Variants in HMCN1 observed in about 807,000 individuals in gnomAD.
HMCN1 encodes hemicentin 1.
HMCN1 carries 321 observed loss-of-function variants against 625.9 expected under a neutral mutation model. The observed-to-expected ratio is 0.51, with a 90% CI of 0.47 to 0.56. The LOEUF (loss-of-function observed/expected upper bound fraction) is 0.56, where lower values mean the gene tolerates loss of function less well. Among genes scored for constraint, HMCN1 ranks in the 20% least tolerant of loss-of-function variants. The pLI, the probability that HMCN1 is intolerant of heterozygous loss-of-function variation, is 0.00. For synonymous variants in HMCN1, 2,425 were observed against 2,417.6 expected (o/e 1.00, Z -0.09); for missense variants, 6,588 against 6,887.3 (o/e 0.96, Z 1.54).
intron 60 of HMCN1, 77 bp downstream of exon 60, chr1:186,087,722 C>A (rs1193996789): frequency 3.0e-6 from 4 of 1,354,052 alleles, no homozygotes; most frequent in Non-Finnish European, 4.2e-6. Flanking sequence ...GTTGCATATT[C>A]CCTTTTACTA....
chr1:186,164,056 A>T (rs982617514), intron 97 of HMCN1, among the ~76,000 whole-genome samples: 14 of 152,196 alleles, frequency 9.2e-5, no homozygotes, highest in African/African-American at 3.4e-4. Context: ...TGGAAACTAA[A>T]TAGTGACACA....
At chr1:185,892,432 C>G (rs1665167521) in intron 4 of HMCN1, among the ~76,000 whole-genome samples, 1 of 151,784 alleles carries the variant, frequency 6.6e-6, no homozygotes, top group South Asian at 2.1e-4. Flanking sequence ...TTTTCCCCAT[C>G]TTTGTGGTTT....
intron 1 of HMCN1, among the ~76,000 whole-genome samples, chr1:185,840,209 C>T (rs565372704): frequency 9.9e-5 from 15 of 152,244 alleles, no homozygotes; most frequent in African/African-American, 3.6e-4. Context: ...TGTAGATAAA[C>T]TGAAAACAGT....
At chr1:185,782,251 A>G (rs1228762341) in intron 1 of HMCN1, among the ~76,000 whole-genome samples, 3 of 152,088 alleles carry the variant, frequency 2.0e-5, no homozygotes, top group African/African-American at 7.2e-5. Flanking sequence ...TCTGCACGTG[A>G]GATGGGTCTC....
At position 185,735,053 on chromosome 1, in the gene HMCN1, G is replaced by A. The variant is rs1167693803; in HGVS notation, c.268+6G>A. 6.2e-7 allele frequency: 1 copy of A among 1,613,338 alleles called. No homozygotes were observed. Among genetic ancestry groups the A allele is most frequent in the East Asian group, 2.2e-5 (1 of 44,894 alleles). On this transcript the variant is annotated splice_donor_region_variant and intron_variant, in intron 1 of 106. Transcript: ENST00000271588. ...GGTGCCTTTCCATGATCCAGGTAAG[G>A]GAAATATTTATACTTTGTCTTTGCT...
intron 1 of HMCN1, among the ~76,000 whole-genome samples, chr1:185,780,374 C>G (rs1476507155): frequency 1.3e-5 from 2 of 152,184 alleles, no homozygotes; most frequent in Admixed American, 6.5e-5. Flanking sequence ...GCCAGAACTT[C>G]CAACACTATG....
intron 1 of HMCN1, among the ~76,000 whole-genome samples, chr1:185,830,979 A>T (rs899634406): frequency 1.4e-4 from 22 of 152,202 alleles, no homozygotes; most frequent in African/African-American, 5.3e-4. Flanking sequence ...AGCCCTGATG[A>T]TTTTATAAGG....
chr1:185,965,985 T>G, intron 14 of HMCN1, 70 bp downstream of exon 14: 3 of 1,011,942 alleles, frequency 3.0e-6, no homozygotes, highest in Non-Finnish European at 1.6e-6. Flanking sequence ...AATGATTTGT[T>G]AAAACTTTGT....
chr1:185,738,921 A>G (rs934303405), intron 1 of HMCN1, among the ~76,000 whole-genome samples: 3 of 152,090 alleles, frequency 2.0e-5, no homozygotes, highest in Admixed American at 2.0e-4. Context: ...GGCTTGTTAC[A>G]TGGGTAAATT....
At chr1:185,814,801 C>G (rs1659744850) in intron 1 of HMCN1, among the ~76,000 whole-genome samples, 1 of 149,424 alleles carries the variant, frequency 6.7e-6, no homozygotes, top group Admixed American at 6.6e-5. Flanking sequence ...AAGCGATTCT[C>G]CTGCCTCAGC....
chr1:186,070,859 G>A, intron 52 of HMCN1, 102 bp downstream of exon 52: 2 of 1,231,918 alleles, frequency 1.6e-6, no homozygotes, highest in Non-Finnish European at 2.4e-6. Context: ...GAGAATCAAT[G>A]TGATCTTAAA....
intron 103 of HMCN1, among the ~76,000 whole-genome samples, chr1:186,175,685 G>C (rs970129398): frequency 7.2e-5 from 11 of 151,928 alleles, no homozygotes; most frequent in African/African-American, 2.7e-4. Context: ...TTGTGCTAGG[G>C]AGTAAAACAA....
chr1:185,798,620 G>T (rs905315630), intron 1 of HMCN1, among the ~76,000 whole-genome samples: 7 of 151,838 alleles, frequency 4.6e-5, no homozygotes, highest in African/African-American at 1.5e-4. Flanking sequence ...CAAAAGACCT[G>T]CCTTCAGACT....
At chr1:185,816,382 T>C (rs1036716313) in intron 1 of HMCN1, among the ~76,000 whole-genome samples, 10 of 152,226 alleles carry the variant, frequency 6.6e-5, no homozygotes, top group African/African-American at 2.4e-4. Flanking sequence ...AAAAGAGGCT[T>C]CCAGAATTCC....
intron 52 of HMCN1, among the ~76,000 whole-genome samples, chr1:186,074,245 A>G (rs1042990964): frequency 6.6e-5 from 10 of 151,878 alleles, no homozygotes; most frequent in Non-Finnish European, 1.3e-4. Flanking sequence ...CATAATATAA[A>G]TATCTTTAGG....
At chr1:186,015,477 C>A (rs1654307930) in intron 31 of HMCN1, 40 bp downstream of exon 31, 4 of 1,582,932 alleles carry the variant, frequency 2.5e-6, no homozygotes, top group Non-Finnish European at 2.6e-6. Context: ...ACCTTTCTAC[C>A]TATGCTTTCT....
At chr1:185,956,785 C>A (rs1325171946) in intron 11 of HMCN1, among the ~76,000 whole-genome samples, 5 of 152,170 alleles carry the variant, frequency 3.3e-5, no homozygotes, top group Admixed American at 2.0e-4. Context: ...GGTGAATTAG[C>A]CCCATCCTGA....
At chr1:186,125,100 T>C (rs1162458796) in intron 81 of HMCN1, among the ~76,000 whole-genome samples, 1 of 152,154 alleles carries the variant, frequency 6.6e-6, no homozygotes, top group Non-Finnish European at 1.5e-5. Flanking sequence ...CTTGTATTCA[T>C]TGTAACATGT....
chr1:185,947,821 C>T (rs1366693682), intron 11 of HMCN1, among the ~76,000 whole-genome samples: 2 of 152,096 alleles, frequency 1.3e-5, no homozygotes, highest in Non-Finnish European at 2.9e-5. Flanking sequence ...TTGAAAATTA[C>T]AGAAAAGTTA....
Sources: gnomAD v4.1 joint callset for allele counts (sites outside exome capture counted in the v4.1 genomes callset) on GRCh38, gnomAD v4.1.1 for gene constraint, MANE v1.5 for transcripts, NCBI Gene and HGNC (gene_info 2026-07-23, HGNC 2026-07-21) for gene names.